ZNF121: variants seen among roughly 807,000 people sequenced by gnomAD.
ZNF121 encodes zinc finger protein 121 (clone ZHC32).
A neutral mutation model predicts 2.4 loss-of-function variants in ZNF121; 1 was observed. The ratio of observed to expected loss-of-function variants is 0.41; its 90% CI spans 0.15 to 1.94. The LOEUF (loss-of-function observed/expected upper bound fraction) is 1.94, where lower values mean the gene tolerates loss of function less well. Among genes scored for constraint, ZNF121 ranks in the 30% most tolerant of loss-of-function variants. The pLI, the probability that ZNF121 is intolerant of heterozygous loss-of-function variation, is 0.30. For missense variants in ZNF121, 369 were observed against 466.3 expected (o/e 0.79, Z 1.92); for synonymous variants, 173 against 158.6 (o/e 1.09, Z -0.68).
chr19:9,561,995 T>C lies in ZNF121; in HGVS notation c.*3945A>G, dbSNP rs938203481. Reference sequence around the variant, plus strand: ...TACTTCACTTTGCTTCATCTCACTTTACAGATATTTTTCACAAGTAGAAGT... The same window carrying C: ...TACTTCACTTTGCTTCATCTCACTTCACAGATATTTTTCACAAGTAGAAGT... On this transcript the variant is annotated 3_prime_UTR_variant, in exon 4 of 4. Coordinates refer to ENST00000320451, the MANE Select transcript of ZNF121 (RefSeq NM_001008727.5). 3 of 152,100 alleles carry C rather than the reference T, an allele frequency of 2.0e-5. No individual in the cohort carries two copies. Among genetic ancestry groups the C allele is most frequent in the African/African-American group, 7.2e-5 (3 of 41,426 alleles). The allele number at this position is 152,100 out of a possible 1,614,324, so 9.4% of individuals were successfully genotyped here.
At position 9,566,191 on chromosome 19, in the gene ZNF121, C is replaced by T; in HGVS notation, c.922G>A (p.Gly308Arg). 6.2e-7 allele frequency: 1 copy of T among 1,614,134 alleles called. No individual in the cohort carries two copies. The highest frequency in any genetic ancestry group is 1.1e-5 in the South Asian group (1 of 91,084). ...TCCTTACATTCATAGGGCTTCTCTCCAGTATGGATTTTTACATGATTATGT... is the reference window on the plus strand; with the variant it reads ...TCCTTACATTCATAGGGCTTCTCTCTAGTATGGATTTTTACATGATTATGT... The part of the protein sequence containing the change: ...SLHNHVKIHT[G>R]EKPYECKDCG... Residue 308 changes from glycine to arginine, a missense_variant, in exon 4 of 4, where the codon GGA becomes AGA. Gly to Arg is a moderately radical substitution (Grantham distance 125). This residue lies in a region of ZNF121 where 127 missense variants were observed against 169.9 expected (regional missense o/e 0.75). Coordinates refer to ENST00000320451, the MANE Select transcript of ZNF121 (RefSeq NM_001008727.5).
chr19:9,563,069 A>C lies in ZNF121; in HGVS notation c.*2871T>G, dbSNP rs1302445129. On this transcript the variant is annotated 3_prime_UTR_variant, in exon 4 of 4. Transcript: ENST00000320451. ...CCATGTCTCAAAAAAAAAAAAAAAA[A>C]AAAAACTGGGATAGGCCAAAATCTA... 6.6e-6 allele frequency: 1 copy of C among 151,396 alleles called. No homozygotes were observed. Among genetic ancestry groups the C allele is most frequent in the Admixed American group, 6.6e-5 (1 of 15,216 alleles). 9.4% of individuals were successfully genotyped at this position (151,396 alleles called of 1,614,324 possible). A position where few individuals can be genotyped will look rare whatever the true frequency, so the allele number is the denominator to read the frequency against.
At position 9,566,685 on chromosome 19, in the gene ZNF121, G is replaced by C; in HGVS notation, c.428C>G (p.Pro143Arg). ...TTTTCCACATTCCTTACATTCGTAG[G>C]GTTTTTCTACAGTATGCATTTTAAC... ...VSVKMHTVEK[P>R]YECKECGKFF... The change falls in exon 4 of 4, where the codon CCC (proline) becomes CGC (arginine). Residue 143 changes from proline to arginine, a missense_variant. Coordinates refer to ENST00000320451, the MANE Select transcript of ZNF121 (RefSeq NM_001008727.5). 9 of 1,614,184 alleles carry C rather than the reference G, an allele frequency of 5.6e-6. No individual in the cohort carries two copies. The highest frequency in any genetic ancestry group is 7.6e-6 in the Non-Finnish European group (9 of 1,180,036).
At position 9,574,716 on chromosome 19, in the gene ZNF121, A is replaced by C. The variant is rs192329031; in HGVS notation, c.-159-5634T>G. ...GTGGAATGCTGAGAAAGGCAAAAAC[A>C]TCTTCAAATAAGGAATAGGAACAGG... is the stretch of plus-strand genomic sequence containing the variant. On this transcript the variant is annotated intron_variant, in intron 1 of 3. Coordinates refer to ENST00000320451, the MANE Select transcript of ZNF121 (RefSeq NM_001008727.5). Among the ~76,000 whole-genome samples the C allele has an allele frequency of 1.1e-4, 17 of 152,356 alleles. 1 individual carries two copies. The highest frequency in any genetic ancestry group is 3.8e-4 in the African/African-American group (16 of 41,588).
At chr19:9,573,510 C>T (rs534155846) in intron 1 of ZNF121, among the ~76,000 whole-genome samples, 1 of 152,244 alleles carries the variant, frequency 6.6e-6, no homozygotes, top group East Asian at 1.9e-4. Context: ...AGAAAATTAC[C>T]TTGAAAGACC....
chr19:9,566,562 G>T lies in ZNF121; in HGVS notation c.551C>A (p.Ser184Tyr). Residue 184 changes from serine (S) to tyrosine (Y), a missense_variant, in exon 4 of 4, where the codon TCT becomes TAT. This residue lies in a region of ZNF121 where 68 missense variants were observed against 105.5 expected (regional missense o/e 0.64). Transcript: ENST00000320451. Reference protein sequence around the residue: ...CKECGKCFTVSSHLVEHVRIH... With the variant: ...CKECGKCFTVYSHLVEHVRIH... Reference sequence around the variant, plus strand: ...TCTTACATGTTCAACTAGGTGTGAAGAAACAGTGAAGCATTTCCCACATTC... The same window carrying T: ...TCTTACATGTTCAACTAGGTGTGAATAAACAGTGAAGCATTTCCCACATTC... 1.9e-6 allele frequency: 3 copies of T among 1,614,216 alleles called. No individual in the cohort carries two copies. The highest frequency in any genetic ancestry group is 2.5e-6 in the Non-Finnish European group (3 of 1,180,026).
intron 1 of ZNF121, among the ~76,000 whole-genome samples, chr19:9,579,758 A>G (rs1476133162): frequency 6.6e-6 from 1 of 152,250 alleles, no homozygotes; most frequent in African/African-American, 2.4e-5. Context: ...GACTACATTT[A>G]ACACTCATCT....
chr19:9,576,310 A>C (rs919569684), intron 1 of ZNF121, among the ~76,000 whole-genome samples: 3 of 150,814 alleles, frequency 2.0e-5, no homozygotes, highest in African/African-American at 4.9e-5. Flanking sequence ...CCTGGGCAAC[A>C]CAAGGAGACC....
chr19:9,572,424 G>A (rs2074180576), intron 1 of ZNF121, among the ~76,000 whole-genome samples: 1 of 152,130 alleles, frequency 6.6e-6, no homozygotes, highest in African/African-American at 2.4e-5. Flanking sequence ...CAACCCACAG[G>A]AAGCATTACA....
At position 9,561,015 on chromosome 19, in the gene ZNF121, A is replaced by AT. The variant is rs1397293656; in HGVS notation, c.*4924dup. 1 of 152,210 alleles carries AT rather than the reference A, an allele frequency of 6.6e-6. No individual in the cohort carries two copies. The highest frequency in any genetic ancestry group is 1.9e-4 in the East Asian group (1 of 5,204). 9.4% of individuals were successfully genotyped at this position (152,210 alleles called of 1,614,324 possible). A position where few individuals can be genotyped will look rare whatever the true frequency, so the allele number is the denominator to read the frequency against. On this transcript the variant is annotated 3_prime_UTR_variant, in exon 4 of 4. Transcript: ENST00000320451. Reference sequence around the variant, plus strand: ...TTTAATCTAGGATTGAGCACGTGCTATTTTTGCAAGTGATGAAAGATAGCT... The same window carrying AT: ...TTTAATCTAGGATTGAGCACGTGCTATTTTTTGCAAGTGATGAAAGATAGCT...
intron 1 of ZNF121, among the ~76,000 whole-genome samples, chr19:9,579,708 T>C (rs2074235763): frequency 6.6e-6 from 1 of 152,142 alleles, no homozygotes; most frequent in Non-Finnish European, 1.5e-5. Context: ...AATACACAGT[T>C]AGAAGAAATA....
At chr19:9,568,390 CAG>C (rs1032158121) in intron 2 of ZNF121, among the ~76,000 whole-genome samples, 1 of 150,048 alleles carries the variant, frequency 6.7e-6, no homozygotes, top group African/African-American at 2.5e-5. Context: ...TTTTTTGAGA[CAG>C]AGTCTCGCTC....
At position 9,566,105 on chromosome 19, in the gene ZNF121, T is replaced by G. The variant is rs1010383132; in HGVS notation, c.1008A>C (p.Gly336=). The G allele has an allele frequency of 1.9e-6, 3 of 1,614,086 alleles. No homozygotes were observed. Among genetic ancestry groups the G allele is most frequent in the Non-Finnish European group, 2.5e-6 (3 of 1,180,008 alleles). Residue 336 remains glycine (G), a synonymous_variant, in exon 4 of 4, where the codon GGA becomes GGC. Coordinates refer to ENST00000320451, the MANE Select transcript of ZNF121 (RefSeq NM_001008727.5). ...ATTCCTTACATATATACGGTTTCTC[T>G]CCAGTGTGAGTTCTTATATGTTCAA... ...QLIEHIRTHT[G]EKPYICKECG...
intron 1 of ZNF121, among the ~76,000 whole-genome samples, chr19:9,577,120 C>G (rs2074215886): frequency 6.6e-6 from 1 of 152,136 alleles, no homozygotes; most frequent in African/African-American, 2.4e-5. Flanking sequence ...ATTCTCATAT[C>G]AAAAGCAGAG....
Position 9,564,692 on chromosome 19 carries a change from A to C in ZNF121, c.*1248T>G, listed in dbSNP as rs2074118472. The C allele has an allele frequency of 6.6e-6, 1 of 152,212 alleles. No homozygotes were observed. Among genetic ancestry groups the C allele is most frequent in the Non-Finnish European group, 1.5e-5 (1 of 68,042 alleles). The allele number at this position is 152,212 out of a possible 1,614,324, so 9.4% of individuals were successfully genotyped here. ...TTGTTGAAAAGACAACAGACTTAGA[A>C]TATTACATCAACTTAGTTGATCAAG... On this transcript the variant is annotated 3_prime_UTR_variant, in exon 4 of 4. Transcript: ENST00000320451.
At chr19:9,576,821 A>G (rs2074213294) in intron 1 of ZNF121, among the ~76,000 whole-genome samples, 1 of 152,218 alleles carries the variant, frequency 6.6e-6, no homozygotes, top group African/African-American at 2.4e-5. Flanking sequence ...ATTAGAAACT[A>G]TTACAAAAAA....
At chr19:9,579,528 T>C (rs1268373717) in intron 1 of ZNF121, among the ~76,000 whole-genome samples, 2 of 151,978 alleles carry the variant, frequency 1.3e-5, no homozygotes, top group African/African-American at 4.8e-5. Flanking sequence ...CTACTGAAAA[T>C]ACAAAAATTA....
intron 1 of ZNF121, among the ~76,000 whole-genome samples, chr19:9,581,695 A>G (rs183330794): frequency 1.3e-5 from 2 of 152,330 alleles, no homozygotes; most frequent in East Asian, 3.9e-4. Flanking sequence ...TCTAGGTAAA[A>G]AGACACTGAA....
At position 9,565,774 on chromosome 19, in the gene ZNF121, T is replaced by G. The variant is rs756663236; in HGVS notation, c.*166A>C. On this transcript the variant is annotated 3_prime_UTR_variant, in exon 4 of 4. Coordinates refer to ENST00000320451, the MANE Select transcript of ZNF121 (RefSeq NM_001008727.5). Reference sequence around the variant, plus strand: ...ATTCCTAAAATTTATAGGGGACACATAGAGTATGAGTTCTTTCATGTCTTC... The same window carrying G: ...ATTCCTAAAATTTATAGGGGACACAGAGAGTATGAGTTCTTTCATGTCTTC... The G allele has an allele frequency of 2.2e-6, 1 of 456,932 alleles. No homozygotes were observed. The highest frequency in any genetic ancestry group is 3.8e-6 in the Non-Finnish European group (1 of 260,914). The allele number at this position is 456,932 out of a possible 1,614,324, so 28.3% of individuals were successfully genotyped here. A position where few individuals can be genotyped will look rare whatever the true frequency, so the allele number is the denominator to read the frequency against.
Sources: gnomAD v4.1 joint callset for allele counts (sites outside exome capture counted in the v4.1 genomes callset) on GRCh38, gnomAD v4.1.1 for gene constraint, gnomAD v4.1.1 regional missense constraint, MANE v1.5 for transcripts, NCBI Gene and HGNC (gene_info 2026-07-23, HGNC 2026-07-21) for gene names.